PRKCE: variants seen among roughly 807,000 people sequenced by gnomAD.
PRKCE encodes protein kinase C epsilon type.
A neutral mutation model predicts 85.4 loss-of-function variants in PRKCE; 16 were observed. That is an observed-to-expected ratio of 0.19 (90% confidence interval 0.13 to 0.28). The LOEUF is 0.28. PRKCE is among the 10% of genes least tolerant of loss of function. The pLI, the probability that PRKCE is intolerant of heterozygous loss-of-function variation, is 1.00. For missense variants in PRKCE, 573 were observed against 975.2 expected, an observed-to-expected ratio of 0.59 and a Z score of 5.49; for synonymous variants, 388 against 371.5, an observed-to-expected ratio of 1.04 and a Z score of -0.51.
intron 10 of PRKCE, among the ~76,000 whole-genome samples, chr2:46,032,269 G>A (rs972403858): frequency 1.3e-5 from 2 of 151,554 alleles, no homozygotes; most frequent in East Asian, 1.9e-4. Context: ...AGGCACAAAC[G>A]ATGAGCTGGG....
chr2:46,106,345 C>A (rs1014870469), intron 11 of PRKCE, among the ~76,000 whole-genome samples: 1 of 152,184 alleles, frequency 6.6e-6, no homozygotes. Context: ...TAGCTCCCAC[C>A]ACCTGCCACC....
rs544141906 is a variant in PRKCE at position 45,823,874 on chromosome 2, G to T, written c.349-19126G>T. On this transcript the variant is annotated intron_variant, in intron 1 of 14. Transcript: ENST00000306156. ...TCTGTTCCGTGCTGGCAGAGCTTTCGCAGAGGCCTGCCCAGAGGCTCGCAG... is the reference window on the plus strand; with the variant it reads ...TCTGTTCCGTGCTGGCAGAGCTTTCTCAGAGGCCTGCCCAGAGGCTCGCAG... Among the ~76,000 whole-genome samples the T allele has an allele frequency of 5.9e-5, 9 of 152,352 alleles. No individual in the cohort carries two copies. In the South Asian group the frequency reaches 6.2e-4, roughly 11 times the overall value.
chr2:46,012,951 C>G (rs1247785214), intron 10 of PRKCE, among the ~76,000 whole-genome samples: 2 of 152,178 alleles, frequency 1.3e-5, no homozygotes, highest in African/African-American at 4.8e-5. Context: ...AAGGAGCTTC[C>G]TCTGTAGTTC....
At chr2:45,829,118 A>C (rs1690194145) in intron 1 of PRKCE, among the ~76,000 whole-genome samples, 1 of 152,170 alleles carries the variant, frequency 6.6e-6, no homozygotes, top group Admixed American at 6.5e-5. Flanking sequence ...TTGGTTTCTA[A>C]TATTACACTC....
chr2:45,947,049 T>A (rs1470908167), intron 2 of PRKCE, among the ~76,000 whole-genome samples: 2 of 152,236 alleles, frequency 1.3e-5, no homozygotes, highest in East Asian at 3.9e-4. Context: ...TCTCTCAACC[T>A]CTCTCCATCA....
intron 2 of PRKCE, among the ~76,000 whole-genome samples, chr2:45,952,446 G>T (rs562694012): frequency 1.3e-5 from 2 of 152,192 alleles, no homozygotes; most frequent in Non-Finnish European, 2.9e-5. Context: ...TCCTTTTGCT[G>T]GAAGTATACA....
chr2:46,146,603 C>T (rs1676093382), intron 12 of PRKCE, among the ~76,000 whole-genome samples: 1 of 152,100 alleles, frequency 6.6e-6, no homozygotes, highest in African/African-American at 2.4e-5. Context: ...GAGGGTATTC[C>T]TGAAAACAAC....
chr2:45,692,517 A>C (rs924281168), intron 1 of PRKCE, among the ~76,000 whole-genome samples: 2 of 152,116 alleles, frequency 1.3e-5, no homozygotes, highest in South Asian at 2.1e-4. Flanking sequence ...CAAAGGCCAT[A>C]TTTCCAAATC....
chr2:46,174,069 A>G (rs975065463), intron 14 of PRKCE, among the ~76,000 whole-genome samples: 1 of 152,188 alleles, frequency 6.6e-6, no homozygotes, highest in African/African-American at 2.4e-5. Flanking sequence ...CATTTAGAAA[A>G]TAGATATGTG....
At chr2:46,157,900 A>T (rs752338086) in intron 13 of PRKCE, among the ~76,000 whole-genome samples, 1 of 152,232 alleles carries the variant, frequency 6.6e-6, no homozygotes, top group Non-Finnish European at 1.5e-5. Flanking sequence ...TCCGAGGGCT[A>T]CTGCCTATGT....
chr2:46,116,663 G>A (rs1672799216), intron 11 of PRKCE, among the ~76,000 whole-genome samples: 1 of 152,058 alleles, frequency 6.6e-6, no homozygotes, highest in African/African-American at 2.4e-5. Flanking sequence ...TTATACATCT[G>A]TCCCCACCCT....
At chr2:46,183,845 C>T (rs1166846046) in intron 14 of PRKCE, among the ~76,000 whole-genome samples, 2 of 152,180 alleles carry the variant, frequency 1.3e-5, no homozygotes, top group Admixed American at 6.5e-5. Flanking sequence ...ACTACTGACC[C>T]CTTGAACTCA....
intron 10 of PRKCE, among the ~76,000 whole-genome samples, chr2:46,053,096 G>A (rs1252326155): frequency 2.0e-4 from 31 of 152,208 alleles, no homozygotes; most frequent in Admixed American, 2.0e-3. Context: ...TAAGATTATT[G>A]TATTGTCAAA....
intron 6 of PRKCE, among the ~76,000 whole-genome samples, chr2:45,991,037 CACTT>C (rs995275203): frequency 3.3e-5 from 5 of 150,228 alleles, no homozygotes; most frequent in African/African-American, 1.2e-4. Flanking sequence ...GACAGAGTCT[CACTT>C]TGTCACCCAG....
chr2:46,104,314 T>TTTG (rs1671514749), intron 11 of PRKCE, among the ~76,000 whole-genome samples: 2 of 151,178 alleles, frequency 1.3e-5, no homozygotes, highest in South Asian at 2.1e-4. Flanking sequence ...TTTTTTTTTT[T>TTTG]GCCATATCTG....
chr2:45,900,002 A>C (rs566863368), intron 2 of PRKCE, among the ~76,000 whole-genome samples: 1 of 152,326 alleles, frequency 6.6e-6, no homozygotes, highest in South Asian at 2.1e-4. Context: ...CTCTGACTAT[A>C]TATTGCACAG....
intron 1 of PRKCE, among the ~76,000 whole-genome samples, chr2:45,816,607 C>T (rs1197350799): frequency 6.6e-6 from 1 of 152,188 alleles, no homozygotes; most frequent in Non-Finnish European, 1.5e-5. Context: ...TAGATTCATG[C>T]CATATTTTTA....
chr2:45,712,495 C>T (rs1679749564), intron 1 of PRKCE, among the ~76,000 whole-genome samples: 1 of 152,104 alleles, frequency 6.6e-6, no homozygotes, highest in South Asian at 2.1e-4. Flanking sequence ...TCATGCTATT[C>T]CCCCTGCTTA....
At chr2:45,698,868 C>T (rs1486314558) in intron 1 of PRKCE, among the ~76,000 whole-genome samples, 2 of 151,766 alleles carry the variant, frequency 1.3e-5, no homozygotes, top group South Asian at 2.1e-4. Flanking sequence ...ATAGAAAGTA[C>T]ATGTGGTTAC....
Sources: allele counts gnomAD v4.1 joint callset (sites outside exome capture counted in the v4.1 genomes callset), GRCh38; gene constraint gnomAD v4.1.1; transcripts MANE v1.5; gene names NCBI Gene and HGNC (gene_info 2026-07-23, HGNC 2026-07-21).